Variants in TMEM132C observed in about 807,000 individuals in gnomAD.
The protein encoded by TMEM132C is protein phosphatase 1, regulatory subunit 152.
A neutral mutation model predicts 61.4 loss-of-function variants in TMEM132C; 29 were observed. That is an observed-to-expected ratio of 0.47 (90% CI 0.35 to 0.64). The LOEUF is 0.64. Among genes scored for constraint, TMEM132C ranks in the 30% least tolerant of loss-of-function variants. The pLI, the probability that TMEM132C is intolerant of heterozygous loss-of-function variation, is 0.00. For synonymous variants in TMEM132C, 656 were observed against 633.1 expected (o/e 1.04, Z -0.54); for missense variants, 1,408 against 1,476.9 (o/e 0.95, Z 0.76).
At chr12:128,664,043 C>T (rs116440857) in intron 4 of TMEM132C, among the ~76,000 whole-genome samples, 7,306 of 117,274 alleles carry the variant, frequency 0.062, 674 homozygotes, top group African/African-American at 0.19. Flanking sequence ...CCCACACGCA[C>T]GCACGCGGGC....
At chr12:128,279,135 G>C (rs1209872801) in intron 1 of TMEM132C, among the ~76,000 whole-genome samples, 2 of 152,104 alleles carry the variant, frequency 1.3e-5, no homozygotes, top group Non-Finnish European at 2.9e-5. Context: ...TCTAGTCCCA[G>C]GCAAAGGGAA....
chr12:128,342,719 G>T (rs1220083654), intron 1 of TMEM132C, among the ~76,000 whole-genome samples: 2 of 152,356 alleles, frequency 1.3e-5, no homozygotes, highest in East Asian at 3.9e-4. Context: ...AGGGAGGGCA[G>T]AGAAGGAATT....
intron 4 of TMEM132C, among the ~76,000 whole-genome samples, chr12:128,648,066 T>G (rs1187295707): frequency 3.7e-4 from 50 of 133,630 alleles, no homozygotes; most frequent in Middle Eastern, 5.7e-3. Flanking sequence ...CATCAGCATT[T>G]GATGTGAGTG....
At chr12:128,599,134 C>T (rs1464736027) in intron 3 of TMEM132C, among the ~76,000 whole-genome samples, 2 of 152,150 alleles carry the variant, frequency 1.3e-5, no homozygotes, top group Admixed American at 6.5e-5. Context: ...CACAGGGAAA[C>T]TCTCAGTGTA....
At chr12:128,523,765 C>T (rs1001940030) in intron 2 of TMEM132C, among the ~76,000 whole-genome samples, 2 of 143,024 alleles carry the variant, frequency 1.4e-5, no homozygotes, top group East Asian at 2.2e-4. Context: ...TTTGAGAGGC[C>T]GAGGGAGGAG....
At chr12:128,669,747 G>C (rs953358631) in intron 5 of TMEM132C, among the ~76,000 whole-genome samples, 187 bp downstream of exon 5, 2 of 152,190 alleles carry the variant, frequency 1.3e-5, no homozygotes, top group African/African-American at 4.8e-5. Context: ...TGCCAACCTG[G>C]TTAGGGTTTT....
intron 8 of TMEM132C, among the ~76,000 whole-genome samples, chr12:128,700,535 T>C (rs900094227): frequency 2.6e-5 from 4 of 152,190 alleles, no homozygotes; most frequent in Non-Finnish European, 5.9e-5. Context: ...CAAGAGGAAA[T>C]GTCAGCCACG....
intron 2 of TMEM132C, among the ~76,000 whole-genome samples, chr12:128,452,144 A>G (rs1870194532): frequency 6.6e-6 from 1 of 152,044 alleles, no homozygotes; most frequent in Admixed American, 6.5e-5. Flanking sequence ...CCCAGGCTGG[A>G]GTACAGTGGT....
intron 2 of TMEM132C, among the ~76,000 whole-genome samples, chr12:128,470,309 C>T (rs1352547045): frequency 6.6e-6 from 1 of 152,202 alleles, no homozygotes; most frequent in Non-Finnish European, 1.5e-5. Flanking sequence ...AGCAAAGAGG[C>T]ATTTGTCGCG....
intron 2 of TMEM132C, among the ~76,000 whole-genome samples, chr12:128,491,847 C>T (rs575905601): frequency 7.4e-6 from 1 of 135,542 alleles, no homozygotes; most frequent in African/African-American, 2.7e-5. Context: ...TTGGCTGTAT[C>T]AGTTCTTTTT....
At position 128,415,983 on chromosome 12, in the gene TMEM132C, C is replaced by T. The variant is rs1868769073; in HGVS notation, c.974+363C>T. On this transcript the variant is annotated intron_variant, in intron 2 of 8. Transcript: ENST00000435159. The surrounding 1 kb of genome is among the most constrained non-coding windows in gnomAD (Gnocchi z 5.8). Reference sequence around the variant, plus strand: ...TTTGAGTTGCTTGATTGAAAGTCTACGTTCAAGAAGCCCAAGAAAAGGCAG... The same window carrying T: ...TTTGAGTTGCTTGATTGAAAGTCTATGTTCAAGAAGCCCAAGAAAAGGCAG... Among the ~76,000 whole-genome samples the T allele has an allele frequency of 6.6e-6, 1 of 152,060 alleles. No homozygotes were observed. Among genetic ancestry groups the T allele is most frequent in the East Asian group, 1.9e-4 (1 of 5,164 alleles).
intron 1 of TMEM132C, among the ~76,000 whole-genome samples, chr12:128,402,561 C>T (rs539681574): frequency 6.6e-6 from 1 of 152,190 alleles, no homozygotes; most frequent in East Asian, 1.9e-4. Context: ...AACTGACACA[C>T]CGTCCCTTAG....
At chr12:128,505,769 A>T (rs115778051) in intron 2 of TMEM132C, among the ~76,000 whole-genome samples, 1,531 of 152,256 alleles carry the variant, frequency 0.01, 30 homozygotes, top group African/African-American at 0.034. Context: ...GAACTGGATG[A>T]ATGAGTGACA....
chr12:128,382,052 T>G (rs1874418308), intron 1 of TMEM132C, among the ~76,000 whole-genome samples: 2 of 151,998 alleles, frequency 1.3e-5, no homozygotes, highest in African/African-American at 4.8e-5. Context: ...TTTTTTTTTT[T>G]TTAGGTACAC....
At chr12:128,595,511 G>A (rs1224819311) in intron 3 of TMEM132C, among the ~76,000 whole-genome samples, 1 of 152,220 alleles carries the variant, frequency 6.6e-6, no homozygotes, top group East Asian at 1.9e-4. Context: ...GCCAAGCCAG[G>A]TGTATCAGTT....
At chr12:128,442,518 TA>T (rs1275252544) in intron 2 of TMEM132C, among the ~76,000 whole-genome samples, 3 of 151,492 alleles carry the variant, frequency 2.0e-5, no homozygotes. Flanking sequence ...CTTTTAGGTA[TA>T]AAACTGTTAA....
chr12:128,553,884 G>A (rs545577711), intron 3 of TMEM132C, among the ~76,000 whole-genome samples: 2 of 152,310 alleles, frequency 1.3e-5, no homozygotes, highest in South Asian at 2.1e-4. Flanking sequence ...AATGGCCTGC[G>A]GGAGGAGAGG....
chr12:128,289,917 C>A (rs151302317), intron 1 of TMEM132C, among the ~76,000 whole-genome samples: 1 of 152,262 alleles, frequency 6.6e-6, no homozygotes, highest in Non-Finnish European at 1.5e-5. Flanking sequence ...TCTCATATTT[C>A]ACATGAGGCA....
At chr12:128,693,260 G>A (rs1954733062) in intron 5 of TMEM132C, among the ~76,000 whole-genome samples, 1 of 152,184 alleles carries the variant, frequency 6.6e-6, no homozygotes. Context: ...TTGGAGGCTG[G>A]ATGGGGTGGG....
Sources: gnomAD v4.1 joint callset for allele counts (sites outside exome capture counted in the v4.1 genomes callset) on GRCh38, gnomAD v4.1.1 for gene constraint, Gnocchi (gnomAD v3.1) non-coding constraint, MANE v1.5 for transcripts, NCBI Gene and HGNC (gene_info 2026-07-23, HGNC 2026-07-21) for gene names.